CEP128: variants seen among roughly 807,000 people sequenced by gnomAD.
CEP128 encodes the protein centrosomal protein 128kDa.
In CEP128, 132 loss-of-function variants were observed where a neutral mutation model predicts 156.7. The observed-to-expected ratio is 0.84, with a 90% CI of 0.73 to 0.97. The LOEUF (loss-of-function observed/expected upper bound fraction) is 0.97. Ranked by LOEUF, CEP128 falls within the 50% of genes least tolerant of loss-of-function variation. The pLI is 0.00. For missense variants in CEP128, 1,252 were observed against 1,281.9 expected, an observed-to-expected ratio of 0.98 and a Z score of 0.36; for synonymous variants, 469 against 448.9, an observed-to-expected ratio of 1.04 and a Z score of -0.57.
chr14:80,803,790 C>A (rs1356240401), intron 13 of CEP128, among the ~76,000 whole-genome samples: 1 of 152,096 alleles, frequency 6.6e-6, no homozygotes, highest in East Asian at 1.9e-4. Context: ...ATTTGTAAAG[C>A]CTCTATTTCA....
intron 13 of CEP128, among the ~76,000 whole-genome samples, chr14:80,805,721 C>A (rs1884137464): frequency 6.6e-6 from 1 of 152,060 alleles, no homozygotes; most frequent in Non-Finnish European, 1.5e-5. Context: ...ATACTGAGAG[C>A]ACAAGTAATC....
chr14:80,895,794 G>T lies in CEP128; in HGVS notation c.573-4C>A. The T allele has an allele frequency of 2.3e-6, 3 of 1,285,730 alleles. No homozygotes were observed. Among genetic ancestry groups the T allele is most frequent in the South Asian group, 1.9e-5 (1 of 53,992 alleles). The allele number at this position is 1,285,730 out of a possible 1,614,324, so 79.6% of individuals were successfully genotyped here. A position where few individuals can be genotyped will look rare whatever the true frequency, so the allele number is the denominator to read the frequency against. Reference sequence around the variant, plus strand: ...CCTTTTTGTTTCGGCATCTGACCTAGGAAGAAAAAAAAAAAAAAGATTTAA... The same window carrying T: ...CCTTTTTGTTTCGGCATCTGACCTATGAAGAAAAAAAAAAAAAAGATTTAA... On this transcript the variant is annotated splice_polypyrimidine_tract_variant and splice_region_variant and intron_variant, in intron 7 of 24. Coordinates refer to ENST00000555265, the MANE Select transcript of CEP128 (RefSeq NM_152446.5).
intron 19 of CEP128, among the ~76,000 whole-genome samples, chr14:80,615,848 C>CAAAT (rs56839383): frequency 0.015 from 2,182 of 149,218 alleles, 30 homozygotes; most frequent in South Asian, 0.025. Flanking sequence ...AACTCCATCT[C>CAAAT]AAATAAATAA....
Position 80,862,843 on chromosome 14 carries a change from C to T in CEP128, c.676G>A (p.Glu226Lys), listed in dbSNP as rs1261217326. 9 of 1,613,886 alleles carry T rather than the reference C, an allele frequency of 5.6e-6. No individual in the cohort carries two copies. Among genetic ancestry groups the T allele is most frequent in the Non-Finnish European group, 7.6e-6 (9 of 1,179,900 alleles). ...VSDRVERRLQ[E>K]LEREMRTERE... ...TCTGTGCGCATCTCTCTCTCCAGTT[C>T]CTGAAGCCGCCGCTCCACCCGATCT... Residue 226 changes from glutamate (E) to lysine (K), a missense_variant, in exon 9 of 25, where the codon GAA becomes AAA. Coordinates refer to ENST00000555265, the MANE Select transcript of CEP128 (RefSeq NM_152446.5).
chr14:80,632,014 G>A (rs1253918429), intron 19 of CEP128, among the ~76,000 whole-genome samples: 2 of 152,042 alleles, frequency 1.3e-5, no homozygotes, highest in African/African-American at 2.4e-5. Flanking sequence ...ACTAGCTGAT[G>A]TGTTATTCAG....
intron 6 of CEP128, among the ~76,000 whole-genome samples, chr14:80,901,285 C>T (rs972255953): frequency 3.9e-5 from 6 of 152,076 alleles, no homozygotes; most frequent in African/African-American, 1.4e-4. Context: ...ACATGGTGTT[C>T]ATTCTCATTA....
chr14:80,775,705 C>T (rs1382001502), intron 16 of CEP128, among the ~76,000 whole-genome samples: 1 of 152,188 alleles, frequency 6.6e-6, no homozygotes, highest in Non-Finnish European at 1.5e-5. Flanking sequence ...CAATACATAG[C>T]AATATTAAAA....
intron 8 of CEP128, among the ~76,000 whole-genome samples, chr14:80,892,470 TCTC>T (rs1447547006): frequency 1.3e-5 from 2 of 151,772 alleles, no homozygotes; most frequent in African/African-American, 4.8e-5. Flanking sequence ...TAGTGGAAAA[TCTC>T]CTGGACACTG....
chr14:80,596,854 G>GT (rs71103865), intron 19 of CEP128, among the ~76,000 whole-genome samples: 40 of 119,534 alleles, frequency 3.3e-4, no homozygotes, highest in East Asian at 1.5e-3. Flanking sequence ...GTGGGGGGGG[G>GT]AGGAAAAGAA....
chr14:80,673,724 T>C (rs981767565), intron 19 of CEP128, among the ~76,000 whole-genome samples: 1 of 147,398 alleles, frequency 6.8e-6, no homozygotes, highest in Non-Finnish European at 1.5e-5. Flanking sequence ...GCTTACAACC[T>C]ATAATCCTGG....
chr14:80,507,102 C>G (rs1024123155), intron 23 of CEP128, among the ~76,000 whole-genome samples: 32 of 151,840 alleles, frequency 2.1e-4, no homozygotes, highest in Non-Finnish European at 3.2e-4. Context: ...AGTAAAAGTT[C>G]CCTGAGGCCT....
At chr14:80,859,737 T>C (rs1373563012) in intron 9 of CEP128, among the ~76,000 whole-genome samples, 3 of 151,822 alleles carry the variant, frequency 2.0e-5, no homozygotes, top group African/African-American at 7.3e-5. Context: ...AAAAGGAAAA[T>C]GGCTTTCCCT....
intron 13 of CEP128, among the ~76,000 whole-genome samples, chr14:80,800,666 G>C (rs370446162): frequency 1.8e-4 from 27 of 152,164 alleles, no homozygotes; most frequent in Middle Eastern, 3.4e-3. Context: ...TTTCCTAAAT[G>C]TTTGTGAACT....
At chr14:80,489,805 T>A (rs41352756), downstream of CEP128, among the ~76,000 whole-genome samples, 1 of 151,528 alleles carries the variant, frequency 6.6e-6, no homozygotes, top group East Asian at 1.9e-4. Context: ...GACAATTGTT[T>A]AGGAGCATTT....
intron 19 of CEP128, among the ~76,000 whole-genome samples, chr14:80,603,953 G>A (rs1892679736): frequency 6.6e-6 from 1 of 152,152 alleles, no homozygotes; most frequent in Non-Finnish European, 1.5e-5. Context: ...AATCAATTCA[G>A]TGAAATGTTG....
intron 19 of CEP128, among the ~76,000 whole-genome samples, chr14:80,581,744 T>C (rs935537469): frequency 2.0e-5 from 3 of 152,192 alleles, no homozygotes; most frequent in Admixed American, 6.5e-5. Flanking sequence ...GGGGTTTTGA[T>C]TGGCATATCA....
chr14:80,597,838 A>G (rs779437517), intron 19 of CEP128, among the ~76,000 whole-genome samples: 10 of 151,740 alleles, frequency 6.6e-5, no homozygotes, highest in Non-Finnish European at 1.5e-4. Context: ...AAGATAAACA[A>G]AAATCACAGG....
At chr14:80,588,494 G>A (rs909720498) in intron 19 of CEP128, among the ~76,000 whole-genome samples, 2 of 151,780 alleles carry the variant, frequency 1.3e-5, no homozygotes, top group Non-Finnish European at 2.9e-5. Context: ...ATAGTTTTAA[G>A]GTATATATGA....
chr14:80,762,820 A>C lies in CEP128; in HGVS notation c.2377-1207T>G, dbSNP rs566290764. Among the ~76,000 whole-genome samples, 7 of 152,314 alleles carry C rather than the reference A, an allele frequency of 4.6e-5. No homozygotes were observed. In the South Asian group the frequency reaches 8.3e-4, roughly 18 times the overall value. On this transcript the variant is annotated intron_variant, in intron 16 of 24. Coordinates refer to ENST00000555265, the MANE Select transcript of CEP128 (RefSeq NM_152446.5). ...TGGGGCTGGTAGCCAAGAGACATTT[A>C]TCTCCAGGAGTTCATCTTAGTCCAT...
Sources: gnomAD v4.1 joint callset for allele counts (sites outside exome capture counted in the v4.1 genomes callset) on GRCh38, gnomAD v4.1.1 for gene constraint, MANE v1.5 for transcripts, NCBI Gene and HGNC (gene_info 2026-07-23, HGNC 2026-07-21) for gene names.